FBN2: variants seen among roughly 807,000 people sequenced by gnomAD.
FBN2 encodes the protein fibrillin-2.
A neutral mutation model predicts 355.6 loss-of-function variants in FBN2; 105 were observed. The observed-to-expected ratio is 0.30, with a 90% CI of 0.25 to 0.35. The LOEUF (loss-of-function observed/expected upper bound fraction) is 0.35, where lower values mean the gene tolerates loss of function less well. Among genes scored for constraint, FBN2 ranks in the 10% least tolerant of loss-of-function variants. The pLI, the probability that FBN2 is intolerant of heterozygous loss-of-function variation, is 1.00. For synonymous variants in FBN2, 1,350 were observed against 1,301.2 expected (o/e 1.04, Z -0.81); for missense variants, 3,280 against 3,758.7 (o/e 0.87, Z 3.33).
rs139620380 is a variant in FBN2, at chr5:128,345,512, C to T, written c.3062G>A (p.Arg1021His). Residue 1021 changes from arginine to histidine, a missense_variant, in exon 24 of 65, where the codon CGC (arginine) becomes CAC (histidine). Around this residue, in one of 6 missense-constraint regions of FBN2, gnomAD observed 2,284 missense variants for 2,749.5 expected, o/e 0.83. Coordinates refer to ENST00000262464, the MANE Select transcript of FBN2 (RefSeq NM_001999.4). ...GACAGCACAGCAGCAGGCATCCATGCGGAACTTTCCAGGAACGGGGTGGAT... is the reference window on the plus strand; with the variant it reads ...GACAGCACAGCAGCAGGCATCCATGTGGAACTTTCCAGGAACGGGGTGGAT... ...ECIHPVPGKFRMDACCCAVGA... is the reference protein window; with the variant it reads ...ECIHPVPGKFHMDACCCAVGA... 2.7e-5 allele frequency: 43 copies of T among 1,614,072 alleles called. No individual in the cohort carries two copies. Among genetic ancestry groups the T allele is most frequent in the South Asian group, 4.4e-5 (4 of 91,078 alleles).
At chr5:128,438,944 T>C (rs1753846586) in intron 7 of FBN2, among the ~76,000 whole-genome samples, 1 of 152,160 alleles carries the variant, frequency 6.6e-6, no homozygotes, top group African/African-American at 2.4e-5. Context: ...AGTCCTTCCA[T>C]GGACATTCTA....
At chr5:128,279,742 G>C (rs1014606904) in intron 56 of FBN2, among the ~76,000 whole-genome samples, 2 of 152,136 alleles carry the variant, frequency 1.3e-5, no homozygotes, top group East Asian at 3.9e-4. Flanking sequence ...TAATGTCTGA[G>C]ATGTATATTT....
rs1354013406 is a variant in FBN2, at chr5:128,393,370, T to C, written c.1232-2A>G. 2 of 1,613,316 alleles carry C rather than the reference T, an allele frequency of 1.2e-6. No individual in the cohort carries two copies. The highest frequency in any genetic ancestry group is 3.3e-5 in the Admixed American group (2 of 60,030). ...CCATGCAAAGTCTGCGATATTCCTC[T>C]AGAAGAAAAGAAAGTTGGCATTAAG... On this transcript the variant is annotated splice_acceptor_variant, in intron 9 of 64. Coordinates refer to ENST00000262464, the MANE Select transcript of FBN2 (RefSeq NM_001999.4). LOFTEE classifies it high-confidence loss of function.
At chr5:128,260,487 G>GATAA (rs1764937504) in intron 64 of FBN2, among the ~76,000 whole-genome samples, 1 of 152,174 alleles carries the variant, frequency 6.6e-6, no homozygotes, top group Admixed American at 6.5e-5. Flanking sequence ...AGTAAGATAG[G>GATAA]ATAAAAACCA....
intron 5 of FBN2, among the ~76,000 whole-genome samples, chr5:128,501,458 G>C (rs2127140421): frequency 6.6e-6 from 1 of 152,218 alleles, no homozygotes; most frequent in South Asian, 2.1e-4. Flanking sequence ...TAATGCAAAA[G>C]CCCATTTCAA....
rs79375977 is a variant in FBN2, at chr5:128,536,442, A to T, written c.297T>A (p.Pro99=). ...TTCCTCCAGGGAGCGTCTTCCATCC[A>T]GGGCAGCAGTAGGAGTGGAATCTGG... ...CGSRFHSYCC[P]GWKTLPGGNQ... is the part of the protein sequence containing the mutation. Residue 99 remains proline, a synonymous_variant, in exon 2 of 65, where the codon CCT becomes CCA. Coordinates refer to ENST00000262464, the MANE Select transcript of FBN2 (RefSeq NM_001999.4). 6.2e-7 allele frequency: 1 copy of T among 1,614,124 alleles called. No homozygotes were observed. The highest frequency in any genetic ancestry group is 8.5e-7 in the Non-Finnish European group (1 of 1,180,008).
chr5:128,492,803 C>CAAAA (rs578258680), intron 5 of FBN2, among the ~76,000 whole-genome samples: 51 of 43,770 alleles, frequency 1.2e-3, no homozygotes, highest in Non-Finnish European at 2.4e-3. Flanking sequence ...AACTCCATCT[C>CAAAA]AAAAAAAAAA....
chr5:128,402,980 A>C (rs1169066574), intron 8 of FBN2, among the ~76,000 whole-genome samples: 2 of 152,122 alleles, frequency 1.3e-5, no homozygotes, highest in South Asian at 2.1e-4. Flanking sequence ...TGTAAGGAAA[A>C]CTTCTCCTTC....
intron 7 of FBN2, among the ~76,000 whole-genome samples, chr5:128,436,722 C>T (rs1753777592): frequency 6.6e-6 from 1 of 151,760 alleles, no homozygotes. Flanking sequence ...CTTCGTTTCT[C>T]CTGTATGATT....
intron 17 of FBN2, among the ~76,000 whole-genome samples, 168 bp from the exon 18 acceptor site, chr5:128,364,893 T>C (rs768061139): frequency 6.6e-6 from 1 of 151,998 alleles, no homozygotes; most frequent in Non-Finnish European, 1.5e-5. Flanking sequence ...AGTAAGAAAA[T>C]AAAACTGAAA....
chr5:128,310,411 T>A (rs1319707907), intron 39 of FBN2, among the ~76,000 whole-genome samples: 8 of 72,874 alleles, frequency 1.1e-4, no homozygotes, highest in African/African-American at 2.0e-4. Context: ...TATTTTTTTT[T>A]TTTTTTTTTT....
chr5:128,331,589 C>T (rs1265346051), intron 32 of FBN2, among the ~76,000 whole-genome samples: 2 of 152,136 alleles, frequency 1.3e-5, no homozygotes, highest in South Asian at 4.1e-4. Context: ...TAAAAGCTTC[C>T]TCCTGCTGCT....
intron 7 of FBN2, among the ~76,000 whole-genome samples, chr5:128,441,778 G>A (rs888859164): frequency 6.6e-6 from 1 of 152,010 alleles, no homozygotes; most frequent in Non-Finnish European, 1.5e-5. Flanking sequence ...TCGAGAGAGA[G>A]GGAATACATA....
chr5:128,310,992 A>G (rs1750039895), intron 39 of FBN2, among the ~76,000 whole-genome samples: 1 of 152,192 alleles, frequency 6.6e-6, no homozygotes, highest in Non-Finnish European at 1.5e-5. Flanking sequence ...TTTCCTATGT[A>G]AAATGTAATT....
chr5:128,408,828 T>C (rs1033180431), intron 7 of FBN2, 29 bp from the exon 8 acceptor site: 2 of 1,613,504 alleles, frequency 1.2e-6, no homozygotes, highest in Admixed American at 1.7e-5. Context: ...AGAAGATGAT[T>C]GAGAAAGGCC....
At chr5:128,537,314 C>T (rs751270651) in intron 1 of FBN2, 36 bp downstream of exon 1, 2 of 1,606,570 alleles carry the variant, frequency 1.2e-6, no homozygotes, top group East Asian at 4.5e-5. Flanking sequence ...CTCCCCCAAG[C>T]CGGAGCCCTA....
chr5:128,320,908 T>TTC (rs2126876327), intron 34 of FBN2, among the ~76,000 whole-genome samples: 1 of 152,338 alleles, frequency 6.6e-6, no homozygotes, highest in East Asian at 1.9e-4. Flanking sequence ...ATACAATAAA[T>TTC]TATAAGAAAA....
chr5:128,330,732 G>A (rs1414528967), intron 32 of FBN2, 37 bp from the exon 33 acceptor site: 2 of 1,611,446 alleles, frequency 1.2e-6, no homozygotes, highest in African/African-American at 1.3e-5. Context: ...AAATGAAAAT[G>A]GAACATTTAA....
chr5:128,341,097 C>T (rs183479986), intron 25 of FBN2, among the ~76,000 whole-genome samples: 4 of 152,268 alleles, frequency 2.6e-5, no homozygotes, highest in East Asian at 1.9e-4. Flanking sequence ...GGGAGGAGAC[C>T]GGCCCTTCCT....
Sources: allele counts gnomAD v4.1 joint callset (sites outside exome capture counted in the v4.1 genomes callset), GRCh38; gene constraint gnomAD v4.1.1; regional missense constraint gnomAD v4.1.1; transcripts MANE v1.5; gene names NCBI Gene and HGNC (gene_info 2026-07-23, HGNC 2026-07-21).